The following SAMD5 variants were observed in gnomAD, a reference collection of about 807,000 sequenced individuals.
SAMD5 encodes the protein sterile alpha motif domain containing 5.
In SAMD5, 13 loss-of-function variants were observed where a neutral mutation model predicts 11.3. That is an observed-to-expected ratio of 1.15 (90% CI 0.75 to 1.83). The LOEUF (loss-of-function observed/expected upper bound fraction) is 1.83. SAMD5 is among the 40% of genes most tolerant of loss of function. The probability of loss-of-function intolerance (pLI) is 0.00; values close to 1 mark genes in which losing one functional copy is unlikely to be tolerated. For missense variants in SAMD5, 255 were observed against 239.1 expected, an observed-to-expected ratio of 1.07 and a Z score of -0.44; for synonymous variants, 129 against 111.3, an observed-to-expected ratio of 1.16 and a Z score of -1.00.
At chr6:147,646,014 GTATCTATC>G (rs1184365599) in intron 1 of SAMD5, among the ~76,000 whole-genome samples, 12 of 55,438 alleles carry the variant, frequency 2.2e-4, no homozygotes, top group African/African-American at 4.1e-4. Flanking sequence ...GTCTGTCTAT[GTATCTATC>G]TATGTATCTA....
At chr6:147,575,949 A>G (rs1339522510) in intron 1 of SAMD5, among the ~76,000 whole-genome samples, 1 of 152,074 alleles carries the variant, frequency 6.6e-6, no homozygotes, top group African/African-American at 2.4e-5. Flanking sequence ...TTTAATTTTT[A>G]ATAATAATGC....
chr6:147,673,414 T>C (rs1790822266), intron 1 of SAMD5, among the ~76,000 whole-genome samples: 1 of 152,078 alleles, frequency 6.6e-6, no homozygotes, highest in African/African-American at 2.4e-5. Flanking sequence ...GGGGTTTCAC[T>C]GTGTTAGCCA....
the SAMD5 span, among the ~76,000 whole-genome samples, chr6:147,898,787 A>G: frequency 6.6e-6 from 1 of 152,152 alleles, no homozygotes; most frequent in Non-Finnish European, 1.5e-5. Context: ...GTGCTTATAT[A>G]TATACACACA....
At chr6:147,822,514 C>T in the SAMD5 span, among the ~76,000 whole-genome samples, 6 of 152,292 alleles carry the variant, frequency 3.9e-5, no homozygotes, top group Non-Finnish European at 1.5e-5. Flanking sequence ...ATATCCAAGT[C>T]ACAACATAAA....
chr6:147,851,278 T>A, the SAMD5 span, among the ~76,000 whole-genome samples: 1 of 152,126 alleles, frequency 6.6e-6, no homozygotes, highest in Non-Finnish European at 1.5e-5. Flanking sequence ...GCTGTTAATT[T>A]CTTACTGTTC....
At chr6:147,760,978 CTG>C in the SAMD5 span, among the ~76,000 whole-genome samples, 1 of 152,182 alleles carries the variant, frequency 6.6e-6, no homozygotes, top group Admixed American at 6.5e-5. Context: ...TTCATCCTAC[CTG>C]CAGGAAATAA....
the SAMD5 span, among the ~76,000 whole-genome samples, chr6:147,748,645 A>G: frequency 6.6e-6 from 1 of 152,114 alleles, no homozygotes; most frequent in Non-Finnish European, 1.5e-5. Context: ...TCACTTGGAG[A>G]GAAAAAAGGG....
chr6:147,796,404 C>G, the SAMD5 span, among the ~76,000 whole-genome samples: 1 of 152,082 alleles, frequency 6.6e-6, no homozygotes, highest in African/African-American at 2.4e-5. Context: ...TCTGAGGGCT[C>G]TGTTCCGTTC....
intron 1 of SAMD5, among the ~76,000 whole-genome samples, chr6:147,722,157 A>G (rs1344098123): frequency 6.6e-6 from 1 of 152,202 alleles, no homozygotes; most frequent in Non-Finnish European, 1.5e-5. Context: ...TGTCTTTTTA[A>G]TTAAATGACA....
intron 1 of SAMD5, among the ~76,000 whole-genome samples, chr6:147,650,896 T>G (rs1350152993): frequency 6.6e-6 from 1 of 152,140 alleles, no homozygotes; most frequent in Non-Finnish European, 1.5e-5. Flanking sequence ...AGAGAGATTT[T>G]GGGAGTTGGT....
rs968583730 is a variant in SAMD5 at position 147,614,865 on chromosome 6, C to T, written c.162+105478C>T. 2.0e-5 allele frequency among the ~76,000 whole-genome samples: 3 copies of T among 151,718 alleles called. 1 individual carries two copies. The highest frequency in any genetic ancestry group is 4.9e-5 in the African/African-American group (2 of 41,126). On this transcript the variant is annotated intron_variant, in intron 1 of 1. Coordinates refer to the SAMD5 transcript ENST00000566741. ...CCTCTGTATTCGAAGTTTCTGTGTC[C>T]GTGGATTCAACCAACCATAGACTGA...
intron 1 of SAMD5, among the ~76,000 whole-genome samples, chr6:147,660,442 A>G (rs1342898384): frequency 6.6e-6 from 1 of 152,102 alleles, no homozygotes; most frequent in Non-Finnish European, 1.5e-5. Context: ...TGTTGGGCAA[A>G]ACAGACATTT....
At chr6:147,869,879 T>C in the SAMD5 span, among the ~76,000 whole-genome samples, 1 of 152,010 alleles carries the variant, frequency 6.6e-6, no homozygotes, top group Admixed American at 6.6e-5. Flanking sequence ...TTCTTTGTTG[T>C]TTGTTTGTTT....
chr6:147,845,781 G>A, the SAMD5 span, among the ~76,000 whole-genome samples: 8 of 152,166 alleles, frequency 5.3e-5, no homozygotes, highest in African/African-American at 1.9e-4. Context: ...TTGTTGATAG[G>A]AAGAAAATGT....
intron 1 of SAMD5, among the ~76,000 whole-genome samples, chr6:147,735,807 T>C (rs1791791329): frequency 6.6e-6 from 1 of 152,182 alleles, no homozygotes; most frequent in Non-Finnish European, 1.5e-5. Context: ...TTTTTCAAGT[T>C]TGAAACTTCC....
chr6:147,522,343 TATTAAGGAAAAGC>T (rs1412860988), intron 1 of SAMD5, among the ~76,000 whole-genome samples: 16 of 152,224 alleles, frequency 1.1e-4, no homozygotes, highest in African/African-American at 3.9e-4. Context: ...TTCATGACTA[TATTAAGGAAAAGC>T]ATTAAGGAAA....
At chr6:147,954,673 T>G in the SAMD5 span, among the ~76,000 whole-genome samples, 1 of 150,580 alleles carries the variant, frequency 6.6e-6, no homozygotes, top group South Asian at 2.1e-4. Flanking sequence ...AGAGTCTCGC[T>G]CTGTCGCCCA....
chr6:147,841,435 A>G, the SAMD5 span, among the ~76,000 whole-genome samples: 1 of 152,192 alleles, frequency 6.6e-6, no homozygotes, highest in East Asian at 1.9e-4. Flanking sequence ...GTTTAAAGTG[A>G]TCTTCAAAAT....
intron 1 of SAMD5, among the ~76,000 whole-genome samples, chr6:147,529,176 G>T (rs1253193884): frequency 6.6e-6 from 1 of 152,186 alleles, no homozygotes; most frequent in Non-Finnish European, 1.5e-5. Flanking sequence ...GAAAATGGCA[G>T]ATCTATTCAC....
Sources: gnomAD v4.1 joint callset for allele counts (sites outside exome capture counted in the v4.1 genomes callset) on GRCh38, gnomAD v4.1.1 for gene constraint, MANE v1.5 for transcripts, NCBI Gene and HGNC (gene_info 2026-07-23, HGNC 2026-07-21) for gene names.